Variants in MAGI2 observed in about 807,000 individuals in gnomAD.
The protein encoded by MAGI2 is membrane associated guanylate kinase, WW and PDZ domain containing 2.
In MAGI2, 35 loss-of-function variants were observed where a neutral mutation model predicts 133.3. The observed-to-expected ratio is 0.26, with a 90% CI of 0.20 to 0.35. The LOEUF (loss-of-function observed/expected upper bound fraction) is 0.35, where lower values mean the gene tolerates loss of function less well. Among genes scored for constraint, MAGI2 ranks in the 10% least tolerant of loss-of-function variants. The pLI is 1.00. For missense variants in MAGI2, 1,636 were observed against 1,863.4 expected, an observed-to-expected ratio of 0.88 and a Z score of 2.25; for synonymous variants, 729 against 710.6, an observed-to-expected ratio of 1.03 and a Z score of -0.41.
At position 78,658,764 on chromosome 7, in the gene MAGI2, T is replaced by A. The variant is rs568107883; in HGVS notation, c.419-31525A>T. Among the ~76,000 whole-genome samples the A allele has an allele frequency of 6.7e-4, 102 of 152,260 alleles. 1 individual carries two copies. The South Asian group carries it at 0.02, about 30-fold the overall frequency. On this transcript the variant is annotated intron_variant, in intron 2 of 21. Coordinates refer to ENST00000354212, the MANE Select transcript of MAGI2 (RefSeq NM_012301.4). The stretch of plus-strand genomic sequence containing the variant: ...ATTACAAATTAGTACCACAATGAGA[T>A]ATTACTATACACCTATCACGACAGC...
chr7:79,065,549 T>C, intron 1 of MAGI2, among the ~76,000 whole-genome samples: 1 of 152,106 alleles, frequency 6.6e-6, no homozygotes, highest in Non-Finnish European at 1.5e-5. Flanking sequence ...TCATATATAA[T>C]ACCAAAAAAG....
intron 6 of MAGI2, among the ~76,000 whole-genome samples, chr7:78,440,764 C>T (rs943200487): frequency 1.3e-5 from 2 of 151,202 alleles, no homozygotes; most frequent in Admixed American, 6.6e-5. Flanking sequence ...CCAGCCTGGC[C>T]AACATAGTGA....
intron 10 of MAGI2, among the ~76,000 whole-genome samples, chr7:78,215,722 A>C (rs1004928534): frequency 2.0e-5 from 3 of 152,182 alleles, no homozygotes; most frequent in African/African-American, 7.2e-5. Flanking sequence ...ATGGAGGAAA[A>C]GGGGGTAGCA....
At chr7:79,297,085 G>A (rs972635844) in intron 1 of MAGI2, among the ~76,000 whole-genome samples, 1 of 152,024 alleles carries the variant, frequency 6.6e-6, no homozygotes, top group Non-Finnish European at 1.5e-5. Flanking sequence ...TCAAGAGAAC[G>A]GAGTCATTCA....
chr7:78,899,354 G>T lies in MAGI2; in HGVS notation c.418+107736C>A, dbSNP rs529959497. Among the ~76,000 whole-genome samples the T allele has an allele frequency of 1.1e-4, 16 of 152,202 alleles. No individual in the cohort carries two copies. The South Asian group carries it at 2.9e-3, about 28-fold the overall frequency. Reference sequence around the variant, plus strand: ...GTTAATGTTATTTCTTCTTTCTCCTGCTTTTGCAATACTGACCAAGCACTT... The same window carrying T: ...GTTAATGTTATTTCTTCTTTCTCCTTCTTTTGCAATACTGACCAAGCACTT... On this transcript the variant is annotated intron_variant, in intron 2 of 21. Coordinates refer to ENST00000354212, the MANE Select transcript of MAGI2 (RefSeq NM_012301.4).
At chr7:78,257,422 A>T (rs1312630049) in intron 9 of MAGI2, among the ~76,000 whole-genome samples, 1 of 152,198 alleles carries the variant, frequency 6.6e-6, no homozygotes. Context: ...CTCTGATCTT[A>T]GATAAACTAA....
intron 21 of MAGI2, among the ~76,000 whole-genome samples, chr7:78,027,356 G>A (rs548361980): frequency 1.3e-5 from 2 of 151,974 alleles, no homozygotes; most frequent in Admixed American, 6.6e-5. Flanking sequence ...GGCCAGGCGC[G>A]GTGGCTCACA....
At chr7:78,526,456 G>A (rs920571208) in intron 3 of MAGI2, among the ~76,000 whole-genome samples, 4 of 152,170 alleles carry the variant, frequency 2.6e-5, no homozygotes, top group East Asian at 1.9e-4. Context: ...GCAGTTTCTT[G>A]TAAGTTTAAT....
intron 3 of MAGI2, among the ~76,000 whole-genome samples, chr7:78,553,130 G>A (rs931214694): frequency 6.7e-6 from 1 of 149,116 alleles, no homozygotes; most frequent in Admixed American, 6.7e-5. Context: ...GTGTATTCCA[G>A]AGCCCAGATT....
intron 1 of MAGI2, among the ~76,000 whole-genome samples, chr7:79,240,367 A>C (rs897294865): frequency 1.3e-5 from 2 of 152,004 alleles, no homozygotes; most frequent in Non-Finnish European, 2.9e-5. Context: ...TGAAAAAAAA[A>C]AAAAAAAGAA....
chr7:79,262,510 G>A (rs996885549), intron 1 of MAGI2, among the ~76,000 whole-genome samples: 1 of 152,104 alleles, frequency 6.6e-6, no homozygotes, highest in African/African-American at 2.4e-5. Context: ...AGCTAATAAG[G>A]ACTAACAGTT....
intron 3 of MAGI2, among the ~76,000 whole-genome samples, chr7:78,595,782 C>T (rs972254920): frequency 6.6e-6 from 1 of 152,076 alleles, no homozygotes; most frequent in Non-Finnish European, 1.5e-5. Context: ...GCACAGGAGA[C>T]CTTAAGTATT....
At chr7:78,564,493 T>C (rs1175860392) in intron 3 of MAGI2, among the ~76,000 whole-genome samples, 2 of 152,234 alleles carry the variant, frequency 1.3e-5, no homozygotes, top group East Asian at 3.8e-4. Context: ...CAAAGAAAGT[T>C]AGATAATTTT....
intron 7 of MAGI2, among the ~76,000 whole-genome samples, chr7:78,351,458 G>A (rs762831975): frequency 6.6e-6 from 1 of 151,932 alleles, no homozygotes; most frequent in Admixed American, 6.6e-5. Context: ...AAATGTGGGA[G>A]CATTAGACAA....
intron 1 of MAGI2, among the ~76,000 whole-genome samples, chr7:79,153,780 GATTCAGATGGGTTT>G (rs1253887201): frequency 6.6e-6 from 1 of 152,148 alleles, no homozygotes; most frequent in Non-Finnish European, 1.5e-5. Context: ...AGCAAGGACA[GATTCAGATGGGTTT>G]ATGCAAAGCA....
chr7:78,387,925 CAAATAAATAAAT>C (rs71085527), intron 6 of MAGI2, among the ~76,000 whole-genome samples: 7,420 of 145,264 alleles, frequency 0.051, 231 homozygotes, highest in Middle Eastern at 0.066. Context: ...AACTCTGTCT[CAAATAAATAAAT>C]AAATAAATAA....
chr7:78,390,059 G>A (rs1295000505), intron 6 of MAGI2, among the ~76,000 whole-genome samples: 2 of 152,012 alleles, frequency 1.3e-5, no homozygotes, highest in African/African-American at 4.8e-5. Context: ...GTTTAATTTT[G>A]TAAGCAACAC....
chr7:79,330,178 A>ATTT (rs1451035999), intron 1 of MAGI2, among the ~76,000 whole-genome samples: 2 of 104,424 alleles, frequency 1.9e-5, no homozygotes, highest in African/African-American at 3.8e-5. Context: ...AACAATCTGC[A>ATTT]TCTTTTTTTT....
chr7:78,614,936 C>T (rs1320264379), intron 3 of MAGI2: 1 of 152,102 alleles, frequency 6.6e-6, no homozygotes, highest in African/African-American at 2.4e-5. Flanking sequence ...AGCTCAGGGT[C>T]ATTATTAGGA....
Sources: gnomAD v4.1 joint callset for allele counts (sites outside exome capture counted in the v4.1 genomes callset) on GRCh38, gnomAD v4.1.1 for gene constraint, MANE v1.5 for transcripts, NCBI Gene and HGNC (gene_info 2026-07-23, HGNC 2026-07-21) for gene names.